The following GGNBP2 variants were observed in gnomAD, a reference collection of about 807,000 sequenced individuals.
GGNBP2 encodes the protein gametogenetin binding protein 2.
In GGNBP2, 10 loss-of-function variants were observed where a neutral mutation model predicts 85.9. That is an observed-to-expected ratio of 0.12 (90% CI 0.07 to 0.20). The LOEUF is 0.20. GGNBP2 is among the 10% of genes least tolerant of loss of function. The probability of loss-of-function intolerance (pLI) is 1.00; values close to 1 mark genes in which losing one functional copy is unlikely to be tolerated. For synonymous variants in GGNBP2, 287 were observed against 285.7 expected (o/e 1.00, Z -0.05); for missense variants, 595 against 857.8 (o/e 0.69, Z 3.83).
intron 6 of GGNBP2, among the ~76,000 whole-genome samples, chr17:36,574,258 C>G (rs2074554479): frequency 6.6e-6 from 1 of 152,058 alleles, no homozygotes; most frequent in Non-Finnish European, 1.5e-5. Flanking sequence ...GGTGCTGGGA[C>G]ATTTGGTTTT....
chr17:36,556,023 G>C (rs979156930), intron 3 of GGNBP2, among the ~76,000 whole-genome samples: 4 of 152,188 alleles, frequency 2.6e-5, no homozygotes, highest in African/African-American at 9.6e-5. Flanking sequence ...TGAATGGAAG[G>C]GTAATGGTAA....
intron 6 of GGNBP2, chr17:36,576,629 G>GTGTGTGTGTGTGTGTATATA (rs1203227585): frequency 6.3e-5 from 7 of 111,082 alleles, no homozygotes; most frequent in South Asian, 2.8e-4. Flanking sequence ...GTGTGTGTGT[G>GTGTGTGTGTGTGTGTATATA]TATATGTATA....
chr17:36,550,957 T>G (rs1042448174), intron 2 of GGNBP2, among the ~76,000 whole-genome samples: 3 of 152,222 alleles, frequency 2.0e-5, no homozygotes, highest in Non-Finnish European at 4.4e-5. Context: ...ATATAGTGAT[T>G]GGCCAGAAAA....
chr17:36,568,612 A>G (rs1333379816), intron 6 of GGNBP2, among the ~76,000 whole-genome samples: 5 of 151,996 alleles, frequency 3.3e-5, no homozygotes, highest in Non-Finnish European at 5.9e-5. Flanking sequence ...CATTTTCAAA[A>G]TTAAATTAGT....
intron 9 of GGNBP2, 84 bp from the exon 10 acceptor site, chr17:36,585,216 A>G (rs1273832233): frequency 1.7e-6 from 2 of 1,169,368 alleles, no homozygotes; most frequent in Non-Finnish European, 2.5e-6. Flanking sequence ...TACTATTAGG[A>G]TGAAAATAGT....
intron 2 of GGNBP2, among the ~76,000 whole-genome samples, chr17:36,548,811 G>T (rs1425463885): frequency 6.6e-6 from 1 of 151,650 alleles, no homozygotes; most frequent in African/African-American, 2.4e-5. Context: ...GGGTGTGGTA[G>T]AGTGTGCCTG....
chr17:36,579,580 G>A (rs1363258894), intron 8 of GGNBP2, among the ~76,000 whole-genome samples, 161 bp downstream of exon 8: 1 of 152,132 alleles, frequency 6.6e-6, no homozygotes, highest in Non-Finnish European at 1.5e-5. Context: ...GAGTGGGGGT[G>A]GTCTAGGGAA....
intron 6 of GGNBP2, chr17:36,574,646 G>A (rs930363538): frequency 5.1e-6 from 3 of 586,344 alleles, no homozygotes; most frequent in Non-Finnish European, 9.0e-6. Flanking sequence ...GTTACCCAGG[G>A]CGGCAGTGTA....
rs1567836131 is a variant in GGNBP2 at position 36,586,153 on chromosome 17, TAAAAA to T, written c.1597_1601del (p.Lys533GlufsTer11). ...AAGAGAACGACACAAAAGGAAAAAA[TAAAAA>T]GAAGAAGAAGAAAAGCAAGATACTG... On this transcript the variant is annotated frameshift_variant, in exon 12 of 14. Transcript: ENST00000613102. LOFTEE classifies it high-confidence loss of function. 1 of 1,613,358 alleles carries T rather than the reference TAAAAA, an allele frequency of 6.2e-7. No homozygotes were observed. The highest frequency in any genetic ancestry group is 1.3e-5 in the African/African-American group (1 of 74,796).
intron 6 of GGNBP2, among the ~76,000 whole-genome samples, chr17:36,576,447 G>C (rs1272851077): frequency 9.2e-6 from 1 of 108,898 alleles, no homozygotes; most frequent in African/African-American, 3.8e-5. Flanking sequence ...CCAGCGACTC[G>C]GGAGACTGAG....
At chr17:36,566,920 C>A (rs974552696) in intron 5 of GGNBP2, among the ~76,000 whole-genome samples, 1 of 151,464 alleles carries the variant, frequency 6.6e-6, no homozygotes, top group Non-Finnish European at 1.5e-5. Flanking sequence ...AATCCCAGTG[C>A]TTTGGGAGGC....
chr17:36,555,101 G>T (rs1245208867), intron 3 of GGNBP2, among the ~76,000 whole-genome samples: 5 of 152,136 alleles, frequency 3.3e-5, no homozygotes, highest in African/African-American at 1.2e-4. Context: ...ATTGGTGGTG[G>T]TGTGTTAATA....
At chr17:36,553,367 T>A (rs2074329669) in intron 2 of GGNBP2, among the ~76,000 whole-genome samples, 1 of 152,218 alleles carries the variant, frequency 6.6e-6, no homozygotes, top group South Asian at 2.1e-4. Flanking sequence ...TATTCCTCCG[T>A]TATCAAGAAA....
rs1433004843 is a variant in GGNBP2 at position 36,578,159 on chromosome 17, G to A, written c.818G>A (p.Gly273Asp). Residue 273 changes from glycine to aspartate, a missense_variant, in exon 7 of 14, where the codon GGT (glycine) becomes GAT (aspartate). This residue lies in a region of GGNBP2 where 92 missense variants were observed against 183.9 expected (regional missense o/e 0.50). Coordinates refer to ENST00000613102, the MANE Select transcript of GGNBP2 (RefSeq NM_024835.5). The stretch of plus-strand genomic sequence containing the variant: ...ACAGACTTCATTGCACATCTTTTGG[G>A]TCGTGCTGAGCCAGAGTTCGCAGGA... ...CETDFIAHLL[G>D]RAEPEFAGGR... 6.2e-7 allele frequency: 1 copy of A among 1,611,736 alleles called. No individual in the cohort carries two copies. The highest frequency in any genetic ancestry group is 1.7e-5 in the Admixed American group (1 of 59,980).
intron 12 of GGNBP2, chr17:36,586,410 A>G: frequency 1.8e-6 from 1 of 567,032 alleles, no homozygotes; most frequent in Non-Finnish European, 3.1e-6. Context: ...TGTGAGTCAG[A>G]AATTCAATTG....
At chr17:36,577,902 C>A in intron 6 of GGNBP2, 81 bp from the exon 7 acceptor site, 1 of 1,045,292 alleles carries the variant, frequency 9.6e-7, no homozygotes, top group Non-Finnish European at 1.5e-6. Flanking sequence ...GGAGAGAGTG[C>A]CATCATCTAG....
intron 6 of GGNBP2, among the ~76,000 whole-genome samples, chr17:36,572,345 T>G (rs1453536503): frequency 6.6e-6 from 1 of 152,238 alleles, no homozygotes; most frequent in Non-Finnish European, 1.5e-5. Flanking sequence ...TGTCCGTTTT[T>G]TCTCTCCTAA....
rs190718372 is a variant in GGNBP2 at position 36,581,080 on chromosome 17, C to G, written c.1021-264C>G. Among the ~76,000 whole-genome samples the G allele has an allele frequency of 3.5e-3, 534 of 151,806 alleles. 3 individuals are homozygous for G. Among genetic ancestry groups the G allele is most frequent in the African/African-American group, 0.012 (513 of 41,402 alleles). On this transcript the variant is annotated intron_variant, in intron 8 of 13. Transcript: ENST00000613102. The stretch of plus-strand genomic sequence containing the variant: ...CGGGTGGATCACGAGGTCAGGAGAT[C>G]GAGACCATCCTGGCTAACACGGTGA...
At position 36,559,806 on chromosome 17, in the gene GGNBP2, T is replaced by A. The variant is rs553407911; in HGVS notation, c.429-967T>A. 2.8e-4 allele frequency among the ~76,000 whole-genome samples: 43 copies of A among 152,114 alleles called. No homozygotes were observed. The South Asian group carries it at 4.1e-3, about 15-fold the overall frequency. On this transcript the variant is annotated intron_variant, in intron 4 of 13. Transcript: ENST00000613102. The stretch of plus-strand genomic sequence containing the variant: ...GATAAGAAGTGATCTGATTCTAGAT[T>A]GGTTAATTTTTATTTAGCTTTTATT...
Sources: allele counts gnomAD v4.1 joint callset (sites outside exome capture counted in the v4.1 genomes callset), GRCh38; gene constraint gnomAD v4.1.1; regional missense constraint gnomAD v4.1.1; transcripts MANE v1.5; gene names NCBI Gene and HGNC (gene_info 2026-07-23, HGNC 2026-07-21).